MXRA7: variants seen among roughly 807,000 people sequenced by gnomAD.
MXRA7 encodes matrix remodeling associated 7, also known as matrix-remodeling-associated protein 7.
A neutral mutation model predicts 17.4 loss-of-function variants in MXRA7; 18 were observed. That is an observed-to-expected ratio of 1.03 (90% CI 0.71 to 1.53). The LOEUF (loss-of-function observed/expected upper bound fraction) is 1.53, where lower values mean the gene tolerates loss of function less well. MXRA7 is among the 40% of genes most tolerant of loss of function. The pLI, the probability that MXRA7 is intolerant of heterozygous loss-of-function variation, is 0.00. For missense variants in MXRA7, 141 were observed against 209.3 expected, an observed-to-expected ratio of 0.67 and a Z score of 2.01; for synonymous variants, 70 against 101.7, an observed-to-expected ratio of 0.69 and a Z score of 1.87.
chr17:76,676,001 C>G (rs147638080), downstream of MXRA7: 2 of 152,286 alleles, frequency 1.3e-5, no homozygotes, highest in Non-Finnish European at 2.9e-5. Context: ...TTAGCATACC[C>G]TCCCTAACTC....
chr17:76,705,909 A>G (rs2076649275), intron 1 of MXRA7, among the ~76,000 whole-genome samples: 1 of 152,250 alleles, frequency 6.6e-6, no homozygotes, highest in African/African-American at 2.4e-5. Context: ...CAACTGGCAA[A>G]TATCTACTTG....
chr17:76,695,034 C>A (rs930258380), intron 1 of MXRA7, among the ~76,000 whole-genome samples: 1 of 152,154 alleles, frequency 6.6e-6, no homozygotes, highest in East Asian at 1.9e-4. Context: ...GTGGCAGGCA[C>A]CTGTAATCCC....
intron 3 of MXRA7, chr17:76,684,052 C>G (rs1266282674): frequency 1.3e-6 from 1 of 794,082 alleles, no homozygotes; most frequent in Admixed American, 1.8e-5. Context: ...CCCACCCACC[C>G]AGGGTGAAGA....
chr17:76,690,251 C>A (rs2143631775), intron 1 of MXRA7: 1 of 152,202 alleles, frequency 6.6e-6, no homozygotes, highest in Admixed American at 6.5e-5. Context: ...GCTTGGGGGG[C>A]AGCTTTTCCT....
chr17:76,690,452 G>A lies in MXRA7; in HGVS notation c.343-2276C>T, dbSNP rs1349252060. 2.0e-4 allele frequency among the ~76,000 whole-genome samples: 31 copies of A among 151,998 alleles called. 1 individual carries two copies. The highest frequency in any genetic ancestry group is 2.0e-3 in the Admixed American group (31 of 15,256). Reference sequence around the variant, plus strand: ...AGGCCAGGTGTGGTGGCTCATGCCTGCAATCTCAGCACTTTGGGAGGCTGA... The same window carrying A: ...AGGCCAGGTGTGGTGGCTCATGCCTACAATCTCAGCACTTTGGGAGGCTGA... On this transcript the variant is annotated intron_variant, in intron 1 of 3. Transcript: ENST00000449428.
intron 1 of MXRA7, among the ~76,000 whole-genome samples, chr17:76,694,281 A>C: frequency 6.6e-6 from 1 of 150,982 alleles, no homozygotes. Context: ...CTCCATTCCA[A>C]CTCCCACAGC....
At chr17:76,701,784 C>T (rs2076594545) in intron 1 of MXRA7, among the ~76,000 whole-genome samples, 1 of 152,124 alleles carries the variant, frequency 6.6e-6, no homozygotes, top group South Asian at 2.1e-4. Flanking sequence ...TTCCAATGTC[C>T]AGACCAAAAG....
At chr17:76,707,890 G>C (rs554075673) in intron 1 of MXRA7, among the ~76,000 whole-genome samples, 1 of 152,270 alleles carries the variant, frequency 6.6e-6, no homozygotes, top group East Asian at 1.9e-4. Flanking sequence ...ATGATTCTTT[G>C]CGTGAACAGG....
intron 3 of MXRA7, chr17:76,683,792 C>T (rs375701830): frequency 2.0e-5 from 27 of 1,382,902 alleles, no homozygotes; most frequent in Middle Eastern, 1.8e-4. Context: ...TTTGGGGGCA[C>T]GTTAGCACGC....
chr17:76,692,231 G>A (rs909399885), intron 1 of MXRA7, among the ~76,000 whole-genome samples: 1 of 148,018 alleles, frequency 6.8e-6, no homozygotes, highest in Non-Finnish European at 1.5e-5. Context: ...AAAAAAAATT[G>A]TACTTGACTT....
intron 1 of MXRA7, 58 bp from the exon 2 acceptor site, chr17:76,688,234 G>C (rs577773086): frequency 1.9e-6 from 3 of 1,606,770 alleles, no homozygotes; most frequent in Admixed American, 1.7e-5. Context: ...GGGAAGTGGT[G>C]GGGGGGCAGA....
intron 1 of MXRA7, among the ~76,000 whole-genome samples, chr17:76,703,884 T>C (rs2076623739): frequency 6.6e-6 from 1 of 151,984 alleles, no homozygotes; most frequent in African/African-American, 2.4e-5. Context: ...GGGTTTTCTC[T>C]GGGCCATCAA....
chr17:76,690,281 G>C (rs931179829), intron 1 of MXRA7: 9 of 152,090 alleles, frequency 5.9e-5, no homozygotes, highest in African/African-American at 2.2e-4. Context: ...ATAGAGTTCA[G>C]TATAATTTGG....
intron 3 of MXRA7, among the ~76,000 whole-genome samples, chr17:76,682,298 G>A (rs923314827): frequency 2.6e-5 from 4 of 152,164 alleles, no homozygotes; most frequent in African/African-American, 9.7e-5. Context: ...CGTGCAGCTT[G>A]TAGCTGCAAC....
At chr17:76,705,515 T>C (rs1254798931) in intron 1 of MXRA7, among the ~76,000 whole-genome samples, 2 of 152,254 alleles carry the variant, frequency 1.3e-5, no homozygotes, top group Non-Finnish European at 2.9e-5. Flanking sequence ...GGGCCTGTTC[T>C]GGACTAAATA....
In MXRA7 at chr17:76,680,416, A is replaced by G; in HGVS notation, c.*451T>C. 1.0e-6 allele frequency: 1 copy of G among 986,878 alleles called. No homozygotes were observed. The highest frequency in any genetic ancestry group is 1.2e-6 in the Non-Finnish European group (1 of 830,954). 61.1% of individuals were successfully genotyped at this position (986,878 alleles called of 1,614,324 possible). On this transcript the variant is annotated 3_prime_UTR_variant, in exon 4 of 4. Coordinates refer to ENST00000449428, the MANE Select transcript of MXRA7 (RefSeq NM_198530.4). ...CTGACGGAGCTGGTGAGCACAGGTG[A>G]GCTCTACCTCATTTGTCTCTCATTC... is the stretch of plus-strand genomic sequence containing the variant.
intron 1 of MXRA7, among the ~76,000 whole-genome samples, chr17:76,696,882 G>A (rs1474484311): frequency 2.6e-5 from 4 of 152,292 alleles, no homozygotes; most frequent in South Asian, 4.1e-4. Flanking sequence ...GAGGCGGCAC[G>A]AACCCAACAG....
intron 1 of MXRA7, among the ~76,000 whole-genome samples, chr17:76,693,943 C>G (rs1412516606): frequency 6.6e-6 from 1 of 152,168 alleles, no homozygotes; most frequent in African/African-American, 2.4e-5. Flanking sequence ...ATTGTGACAC[C>G]TAATTAAAAA....
chr17:76,687,475 A>G (rs1425573846), intron 2 of MXRA7, among the ~76,000 whole-genome samples: 1 of 152,260 alleles, frequency 6.6e-6, no homozygotes, highest in Non-Finnish European at 1.5e-5. Flanking sequence ...CAGAGCCAAC[A>G]AACGCTGACA....
Sources: allele counts gnomAD v4.1 joint callset (sites outside exome capture counted in the v4.1 genomes callset), GRCh38; gene constraint gnomAD v4.1.1; transcripts MANE v1.5; gene names NCBI Gene and HGNC (gene_info 2026-07-23, HGNC 2026-07-21).